Variants in COMMD1 observed in about 807,000 individuals in gnomAD.
COMMD1 encodes COMM domain-containing protein 1.
Under a neutral mutation model 17.2 loss-of-function variants are expected in COMMD1, and 10 were observed. The ratio of observed to expected loss-of-function variants is 0.58; its 90% CI spans 0.36 to 0.99. COMMD1 has a LOEUF of 0.99. Ranked by LOEUF, COMMD1 falls within the 50% of genes least tolerant of loss-of-function variation. The pLI is 0.01. For missense variants in COMMD1, 270 were observed against 231.8 expected, an observed-to-expected ratio of 1.17 and a Z score of -1.07; for synonymous variants, 97 against 91.6, an observed-to-expected ratio of 1.06 and a Z score of -0.34.
At chr2:61,911,506 C>T (rs1167510368) in intron 1 of COMMD1, among the ~76,000 whole-genome samples, 1 of 152,146 alleles carries the variant, frequency 6.6e-6, no homozygotes, top group Non-Finnish European at 1.5e-5. Context: ...GGGACTCACT[C>T]TGTCACGCAG....
intron 2 of COMMD1, among the ~76,000 whole-genome samples, chr2:62,041,283 A>G (rs1670187900): frequency 6.6e-6 from 1 of 152,084 alleles, no homozygotes; most frequent in Non-Finnish European, 1.5e-5. Flanking sequence ...GAATCTCTTG[A>G]TTTGTTAATA....
chr2:62,081,620 TTG>T (rs1671523953), intron 2 of COMMD1, among the ~76,000 whole-genome samples: 1 of 152,108 alleles, frequency 6.6e-6, no homozygotes, highest in Non-Finnish European at 1.5e-5. Context: ...ACCAGTGAGG[TTG>T]AGTCTGTTGT....
chr2:62,123,135 G>T (rs1461562981), intron 2 of COMMD1, among the ~76,000 whole-genome samples: 2 of 152,016 alleles, frequency 1.3e-5, no homozygotes, highest in Non-Finnish European at 2.9e-5. Context: ...AAGCCAGGGG[G>T]ATTGCTTGAC....
intron 1 of COMMD1, among the ~76,000 whole-genome samples, chr2:61,996,757 AT>A (rs770898042): frequency 6.6e-6 from 1 of 152,198 alleles, no homozygotes. Context: ...GATTGCAGCA[AT>A]TCAATCACAT....
intron 1 of COMMD1, among the ~76,000 whole-genome samples, chr2:61,917,383 A>G (rs577034640): frequency 2.0e-5 from 3 of 152,086 alleles, no homozygotes; most frequent in African/African-American, 7.2e-5. Flanking sequence ...TGCATTTGGT[A>G]TCAAGTTTAC....
chr2:62,023,230 A>G (rs1279288440), intron 2 of COMMD1, among the ~76,000 whole-genome samples: 7 of 152,074 alleles, frequency 4.6e-5, no homozygotes, highest in Admixed American at 6.6e-5. Context: ...CTGTCTCAAA[A>G]AAAAAAAAAA....
At chr2:62,103,010 G>A (rs1256551554) in intron 2 of COMMD1, among the ~76,000 whole-genome samples, 17 of 146,890 alleles carry the variant, frequency 1.2e-4, no homozygotes, top group East Asian at 2.0e-4. Context: ...ACGGAGGCTC[G>A]CTCTGTTGCC....
intron 2 of COMMD1, among the ~76,000 whole-genome samples, chr2:62,104,633 C>CAAAA (rs35679940): frequency 3.0e-4 from 23 of 76,660 alleles, no homozygotes; most frequent in African/African-American, 7.1e-4. Context: ...GACTCCGTCT[C>CAAAA]AAAAAAAAAA....
intron 1 of COMMD1, among the ~76,000 whole-genome samples, chr2:61,920,569 A>G (rs1335909600): frequency 6.6e-6 from 1 of 152,124 alleles, no homozygotes; most frequent in Non-Finnish European, 1.5e-5. Context: ...GAAGAAATAT[A>G]TGTGGTGCTT....
intron 1 of COMMD1, among the ~76,000 whole-genome samples, chr2:61,971,902 C>T (rs2103726008): frequency 6.6e-6 from 1 of 152,200 alleles, no homozygotes. Context: ...GGGAGGATTG[C>T]TTGAGTCCAG....
At chr2:62,121,749 A>T (rs1165869392) in intron 2 of COMMD1, among the ~76,000 whole-genome samples, 1 of 152,034 alleles carries the variant, frequency 6.6e-6, no homozygotes, top group Non-Finnish European at 1.5e-5. Context: ...AAAAAAAAAA[A>T]AAAAGAGAGA....
intron 2 of COMMD1, among the ~76,000 whole-genome samples, chr2:62,122,028 T>G (rs1235369396): frequency 6.6e-6 from 1 of 152,152 alleles, no homozygotes; most frequent in Non-Finnish European, 1.5e-5. Flanking sequence ...TGGGCTCAAG[T>G]GATCCGCCTA....
At chr2:61,990,939 C>CACACACAT (rs1672236378) in intron 1 of COMMD1, among the ~76,000 whole-genome samples, 1 of 149,614 alleles carries the variant, frequency 6.7e-6, no homozygotes, top group Non-Finnish European at 1.5e-5. Flanking sequence ...CACACACACA[C>CACACACAT]ATAATGCCAG....
chr2:62,072,817 C>G (rs1420609298), intron 2 of COMMD1, among the ~76,000 whole-genome samples: 3 of 152,256 alleles, frequency 2.0e-5, no homozygotes, highest in Non-Finnish European at 4.4e-5. Flanking sequence ...GTACGGGGCT[C>G]ATGCCTGTGC....
intron 2 of COMMD1, among the ~76,000 whole-genome samples, chr2:62,067,594 C>T (rs1207178682): frequency 6.6e-6 from 1 of 152,102 alleles, no homozygotes; most frequent in Non-Finnish European, 1.5e-5. Flanking sequence ...CACAGAGACC[C>T]AGGGAAAACT....
chr2:61,908,516 C>T (rs553367801), intron 1 of COMMD1, among the ~76,000 whole-genome samples: 22 of 146,972 alleles, frequency 1.5e-4, no homozygotes, highest in Admixed American at 4.1e-4. Flanking sequence ...TGAGCCACTG[C>T]ACCCAGCCTT....
intron 1 of COMMD1, among the ~76,000 whole-genome samples, chr2:61,889,226 T>TTTTTC (rs1669352973): frequency 7.1e-6 from 1 of 140,322 alleles, no homozygotes; most frequent in East Asian, 2.1e-4. Flanking sequence ...TTTTTTTTTT[T>TTTTTC]GACAGAGTCT....
chr2:61,984,317 C>T (rs529383844), intron 1 of COMMD1, among the ~76,000 whole-genome samples: 76 of 152,290 alleles, frequency 5.0e-4, no homozygotes, highest in African/African-American at 1.5e-3. Flanking sequence ...TGAGCCACCG[C>T]GCTCAACCTG....
At chr2:62,104,426 G>A (rs1672266950) in intron 2 of COMMD1, among the ~76,000 whole-genome samples, 1 of 151,876 alleles carries the variant, frequency 6.6e-6, no homozygotes, top group South Asian at 2.1e-4. Context: ...CTGAGGTCAG[G>A]AGTTCAAGAC....
Sources: gnomAD v4.1 joint callset for allele counts (sites outside exome capture counted in the v4.1 genomes callset) on GRCh38, gnomAD v4.1.1 for gene constraint, MANE v1.5 for transcripts, NCBI Gene and HGNC (gene_info 2026-07-23, HGNC 2026-07-21) for gene names.